The following CADM2 variants were observed in gnomAD, a reference collection of about 807,000 sequenced individuals.
CADM2 encodes the protein cell adhesion molecule 2.
CADM2 carries 12 observed loss-of-function variants against 49.8 expected under a neutral mutation model. The ratio of observed to expected loss-of-function variants is 0.24; its 90% CI spans 0.15 to 0.39. The LOEUF (loss-of-function observed/expected upper bound fraction) is 0.39. Among genes scored for constraint, CADM2 ranks in the 10% least tolerant of loss-of-function variants. The pLI, the probability that CADM2 is intolerant of heterozygous loss-of-function variation, is 1.00. For missense variants in CADM2, 378 were observed against 492.3 expected (o/e 0.77, Z 2.20); for synonymous variants, 214 against 175.4 (o/e 1.22, Z -1.74).
chr3:85,197,878 T>C (rs75176793), intron 1 of CADM2, among the ~76,000 whole-genome samples: 14,440 of 151,908 alleles, frequency 0.095, 850 homozygotes, highest in African/African-American at 0.16. Flanking sequence ...GAAGGGCCTC[T>C]TGTTGCTTGA....
chr3:85,558,814 T>G (rs2062021921), intron 1 of CADM2, among the ~76,000 whole-genome samples: 1 of 152,090 alleles, frequency 6.6e-6, no homozygotes, highest in African/African-American at 2.4e-5. Context: ...CTCGTTCATT[T>G]GGAAGTCTTA....
At chr3:85,964,430 A>G (rs1178708440) in intron 8 of CADM2, among the ~76,000 whole-genome samples, 1 of 149,118 alleles carries the variant, frequency 6.7e-6, no homozygotes, top group Non-Finnish European at 1.5e-5. Flanking sequence ...GGATGCCGTC[A>G]TAATAGTTAG....
intron 1 of CADM2, among the ~76,000 whole-genome samples, chr3:85,519,852 G>A (rs894073790): frequency 5.9e-5 from 9 of 152,052 alleles, no homozygotes; most frequent in Non-Finnish European, 1.3e-4. Flanking sequence ...GTTAGAGAAA[G>A]CAATCCCGTA....
At chr3:85,833,923 G>A (rs1477655055) in intron 3 of CADM2, among the ~76,000 whole-genome samples, 1 of 151,538 alleles carries the variant, frequency 6.6e-6, no homozygotes, top group Non-Finnish European at 1.5e-5. Flanking sequence ...AATGGAGATT[G>A]CATTGAATCT....
intron 2 of CADM2, among the ~76,000 whole-genome samples, chr3:85,791,548 G>GAA (rs2071334901): frequency 7.2e-6 from 1 of 138,220 alleles, no homozygotes; most frequent in East Asian, 2.1e-4. Flanking sequence ...GAGAGAAAGA[G>GAA]AGAGAGAGAG....
intron 1 of CADM2, among the ~76,000 whole-genome samples, chr3:85,192,588 A>G (rs2041234233): frequency 2.4e-5 from 2 of 83,296 alleles, no homozygotes; most frequent in African/African-American, 9.8e-5. Flanking sequence ...ACACACACAT[A>G]TATATGAATT....
At chr3:86,022,967 C>T (rs1733384940) in intron 8 of CADM2, among the ~76,000 whole-genome samples, 1 of 151,948 alleles carries the variant, frequency 6.6e-6, no homozygotes, top group Non-Finnish European at 1.5e-5. Context: ...CATATACCTG[C>T]CCACTGAGTC....
chr3:85,428,810 C>T (rs1009684442), intron 1 of CADM2, among the ~76,000 whole-genome samples: 2 of 150,962 alleles, frequency 1.3e-5, no homozygotes, highest in Non-Finnish European at 3.0e-5. Flanking sequence ...CGTCTTGCAC[C>T]ATGCAGTTTT....
chr3:85,023,616 A>G (rs1559622160), intron 1 of CADM2, among the ~76,000 whole-genome samples: 1 of 152,088 alleles, frequency 6.6e-6, no homozygotes, highest in Non-Finnish European at 1.5e-5. Flanking sequence ...CAAGAATATG[A>G]AGCATCTGTT....
At chr3:85,617,198 G>A (rs1273526340) in intron 1 of CADM2, among the ~76,000 whole-genome samples, 4 of 151,930 alleles carry the variant, frequency 2.6e-5, no homozygotes, top group Admixed American at 6.6e-5. Flanking sequence ...CACCCCTTCC[G>A]ACAGCACTCA....
chr3:85,877,335 G>A (rs1712024216), intron 3 of CADM2, among the ~76,000 whole-genome samples: 1 of 151,706 alleles, frequency 6.6e-6, no homozygotes. Context: ...GTTTATTATT[G>A]AAAAGGACAT....
chr3:85,420,373 T>C (rs1437654511), intron 1 of CADM2, among the ~76,000 whole-genome samples: 1 of 152,236 alleles, frequency 6.6e-6, no homozygotes, highest in Non-Finnish European at 1.5e-5. Context: ...TAGTTCTACC[T>C]TTTGTCTTAG....
chr3:85,929,553 AT>A (rs1720340146), intron 6 of CADM2, among the ~76,000 whole-genome samples: 1 of 152,016 alleles, frequency 6.6e-6, no homozygotes, highest in Non-Finnish European at 1.5e-5. Context: ...ATTTAAGATT[AT>A]TTTAGAAAAC....
At chr3:85,855,360 A>T (rs1334036735) in intron 3 of CADM2, among the ~76,000 whole-genome samples, 1 of 151,924 alleles carries the variant, frequency 6.6e-6, no homozygotes, top group Non-Finnish European at 1.5e-5. Flanking sequence ...TAAAATATGC[A>T]TGTCATTACA....
At chr3:85,528,337 T>G (rs72615722) in intron 1 of CADM2, among the ~76,000 whole-genome samples, 1 of 72,106 alleles carries the variant, frequency 1.4e-5, no homozygotes, top group African/African-American at 3.5e-5. Flanking sequence ...CACACTCACA[T>G]GCACACGTGC....
At chr3:85,811,856 T>A (rs2072897761) in intron 3 of CADM2, among the ~76,000 whole-genome samples, 1 of 138,628 alleles carries the variant, frequency 7.2e-6, no homozygotes, top group African/African-American at 3.0e-5. Flanking sequence ...AATGCCTTGA[T>A]GTTTTTTTTT....
intron 3 of CADM2, among the ~76,000 whole-genome samples, chr3:85,852,792 A>G (rs1577476994): frequency 6.6e-6 from 1 of 152,058 alleles, no homozygotes; most frequent in Admixed American, 6.5e-5. Flanking sequence ...TACACTTTGA[A>G]TTATACTTAT....
chr3:85,264,120 A>G (rs1423192958), intron 1 of CADM2, among the ~76,000 whole-genome samples: 1 of 152,108 alleles, frequency 6.6e-6, no homozygotes, highest in Non-Finnish European at 1.5e-5. Context: ...CTCCCTGCTT[A>G]TAACCATAGT....
At chr3:84,986,911 G>A (rs1160348046) in intron 1 of CADM2, among the ~76,000 whole-genome samples, 2 of 151,676 alleles carry the variant, frequency 1.3e-5, no homozygotes, top group Admixed American at 1.3e-4. Context: ...AATTAGCTGG[G>A]TGTGGTGGCG....
Sources: allele counts gnomAD v4.1 joint callset (sites outside exome capture counted in the v4.1 genomes callset), GRCh38; gene constraint gnomAD v4.1.1; transcripts MANE v1.5; gene names NCBI Gene and HGNC (gene_info 2026-07-23, HGNC 2026-07-21).